The following BICD1 variants were observed in gnomAD, a reference collection of about 807,000 sequenced individuals.
BICD1 encodes the protein protein bicaudal D homolog 1.
In BICD1, 35 loss-of-function variants were observed where a neutral mutation model predicts 92.5. The observed-to-expected ratio is 0.38, with a 90% CI of 0.29 to 0.50. The LOEUF (loss-of-function observed/expected upper bound fraction) is 0.50. BICD1 is among the 20% of genes least tolerant of loss of function. The probability of loss-of-function intolerance (pLI) is 0.93; values close to 1 mark genes in which losing one functional copy is unlikely to be tolerated. For synonymous variants in BICD1, 429 were observed against 465.1 expected (o/e 0.92, Z 1.00); for missense variants, 950 against 1,189.8 (o/e 0.80, Z 2.97).
In BICD1 at chr12:32,383,206, C is replaced by A. The variant is rs900709022; in HGVS notation, c.*5579C>A. The A allele has an allele frequency of 2.6e-5, 4 of 151,966 alleles. No homozygotes were observed. Among genetic ancestry groups the A allele is most frequent in the Non-Finnish European group, 5.9e-5 (4 of 67,928 alleles). 9.4% of individuals were successfully genotyped at this position (151,966 alleles called of 1,614,324 possible). A position where few individuals can be genotyped will look rare whatever the true frequency, so the allele number is the denominator to read the frequency against. The stretch of plus-strand genomic sequence containing the variant: ...ATTTAATTGCAGTTTAATTATTATG[C>A]CTTTTGGGGTTAAATGATGTGAAGT... On this transcript the variant is annotated 3_prime_UTR_variant, in exon 10 of 10. Transcript: ENST00000652176.
chr12:32,340,665 T>TTCA, intron 8 of BICD1: 9 of 351,442 alleles, frequency 2.6e-5, no homozygotes, highest in South Asian at 2.3e-4. Context: ...ATACTTTATA[T>TTCA]TGTTATCATT....
intron 2 of BICD1, among the ~76,000 whole-genome samples, chr12:32,266,958 GC>G (rs144118496): frequency 0.01 from 1,558 of 152,112 alleles, 33 homozygotes; most frequent in African/African-American, 0.035. Context: ...TTAGAGCCCT[GC>G]CCCCAGAACC....
At chr12:32,127,548 G>GC (rs1942388400) in intron 1 of BICD1, among the ~76,000 whole-genome samples, 1 of 152,136 alleles carries the variant, frequency 6.6e-6, no homozygotes, top group African/African-American at 2.4e-5. Context: ...TTGTGCAAAT[G>GC]CCACACTGTC....
At chr12:32,136,671 G>A (rs976607466) in intron 1 of BICD1, among the ~76,000 whole-genome samples, 3 of 152,182 alleles carry the variant, frequency 2.0e-5, no homozygotes, top group African/African-American at 4.8e-5. Context: ...AGAGGCTGGG[G>A]GATCGGTATT....
chr12:32,200,047 C>T (rs935768563), intron 1 of BICD1, among the ~76,000 whole-genome samples: 1 of 152,138 alleles, frequency 6.6e-6, no homozygotes, highest in Non-Finnish European at 1.5e-5. Flanking sequence ...GTTATGGAGG[C>T]CTGCGTTAGT....
At chr12:32,302,918 A>G (rs1592640717) in intron 3 of BICD1, among the ~76,000 whole-genome samples, 1 of 71,464 alleles carries the variant, frequency 1.4e-5, no homozygotes, top group South Asian at 4.4e-4. Flanking sequence ...CATCTTTTGT[A>G]CATAATGTAT....
chr12:32,200,101 G>A (rs1944863896), intron 1 of BICD1, among the ~76,000 whole-genome samples: 1 of 152,124 alleles, frequency 6.6e-6, no homozygotes, highest in Admixed American at 6.5e-5. Flanking sequence ...TTATGTCCAC[G>A]TTCCAAGATG....
At chr12:32,238,743 A>G (rs7137031) in intron 2 of BICD1, among the ~76,000 whole-genome samples, 19,044 of 148,168 alleles carry the variant, frequency 0.13, 1,957 homozygotes, top group African/African-American at 0.29. Context: ...TCAGGAGTTT[A>G]AGACCAGCCT....
intron 8 of BICD1, among the ~76,000 whole-genome samples, chr12:32,340,944 T>C (rs1223931927): frequency 6.6e-6 from 1 of 152,212 alleles, no homozygotes; most frequent in Non-Finnish European, 1.5e-5. Flanking sequence ...AACATCCTTA[T>C]GTTTTTTGCT....
At chr12:32,325,448 G>C (rs1592676263) in intron 4 of BICD1, among the ~76,000 whole-genome samples, 3 of 152,252 alleles carry the variant, frequency 2.0e-5, no homozygotes, top group Admixed American at 2.0e-4. Flanking sequence ...AATATATTTG[G>C]TCATTGAAAT....
chr12:32,340,357 ATTGT>A lies in BICD1; in HGVS notation c.2764+1381_2764+1384del, dbSNP rs1442027426. On this transcript the variant is annotated intron_variant, in intron 8 of 9. Coordinates refer to ENST00000652176, the MANE Select transcript of BICD1 (RefSeq NM_001714.4). ...TTTTTAATTTCATAACTGATTTCCT[ATTGT>A]TTTAGACCTCCTTGGAAGGTACCTT... The A allele has an allele frequency of 9.1e-6, 9 of 985,410 alleles. No individual in the cohort carries two copies. In the East Asian group the frequency reaches 3.4e-4, roughly 37 times the overall value. 61.0% of individuals were successfully genotyped at this position (985,410 alleles called of 1,614,324 possible). A position where few individuals can be genotyped will look rare whatever the true frequency, so the allele number is the denominator to read the frequency against.
intron 1 of BICD1, among the ~76,000 whole-genome samples, chr12:32,215,884 G>A (rs1287949299): frequency 2.0e-5 from 3 of 146,736 alleles, no homozygotes; most frequent in Admixed American, 7.1e-5. Context: ...AACCCGGGAG[G>A]CGGAGCTTGC....
chr12:32,364,519 G>A (rs1336756781), intron 8 of BICD1, among the ~76,000 whole-genome samples: 4 of 152,208 alleles, frequency 2.6e-5, no homozygotes, highest in Non-Finnish European at 5.9e-5. Flanking sequence ...GGATTTAGAA[G>A]ACAACTGAGT....
chr12:32,112,210 T>TG (rs1941724378), intron 1 of BICD1, among the ~76,000 whole-genome samples: 1 of 152,134 alleles, frequency 6.6e-6, no homozygotes, highest in African/African-American at 2.4e-5. Context: ...TTCTTCATGT[T>TG]GGTGAGGTTG....
chr12:32,175,824 G>A (rs529996711), intron 1 of BICD1, among the ~76,000 whole-genome samples: 1 of 152,242 alleles, frequency 6.6e-6, no homozygotes, highest in South Asian at 2.1e-4. Flanking sequence ...AGATGTTCAG[G>A]TTTAGAACGT....
intron 9 of BICD1, among the ~76,000 whole-genome samples, chr12:32,376,839 GC>G (rs1939988615): frequency 7.7e-6 from 1 of 129,334 alleles, no homozygotes; most frequent in African/African-American, 2.8e-5. Flanking sequence ...CTGCACACCA[GC>G]CTGGGCAAAA....
chr12:32,304,951 G>A (rs1948172101), intron 3 of BICD1, among the ~76,000 whole-genome samples: 1 of 152,206 alleles, frequency 6.6e-6, no homozygotes, highest in Non-Finnish European at 1.5e-5. Flanking sequence ...GAGCCCGGGA[G>A]GTTGAGGCTG....
intron 4 of BICD1, among the ~76,000 whole-genome samples, chr12:32,310,760 A>G (rs945235163): frequency 9.9e-5 from 15 of 152,242 alleles, no homozygotes; most frequent in African/African-American, 2.9e-4. Flanking sequence ...ATGTCAGGTC[A>G]TGCATGTCAT....
At chr12:32,321,052 A>C (rs1413619063) in intron 4 of BICD1, among the ~76,000 whole-genome samples, 11 of 152,138 alleles carry the variant, frequency 7.2e-5, no homozygotes, top group Non-Finnish European at 1.3e-4. Flanking sequence ...TAGGCCAGGT[A>C]CAGTGGCTCA....
Sources: gnomAD v4.1 joint callset for allele counts (sites outside exome capture counted in the v4.1 genomes callset) on GRCh38, gnomAD v4.1.1 for gene constraint, MANE v1.5 for transcripts, NCBI Gene and HGNC (gene_info 2026-07-23, HGNC 2026-07-21) for gene names.